Variants in ZNF469 observed in about 807,000 individuals in gnomAD.
ZNF469 encodes the protein zinc finger protein 469.
In ZNF469, 1 loss-of-function variant was observed where a neutral mutation model predicts 1.0. The observed-to-expected ratio is 1.00, with a 90% confidence interval of 0.35 to 4.73. The LOEUF (loss-of-function observed/expected upper bound fraction) is 4.73. Ranked by LOEUF, ZNF469 falls within the 30% of genes most tolerant of loss-of-function variation. The pLI, the probability that ZNF469 is intolerant of heterozygous loss-of-function variation, is 0.16. For synonymous variants in ZNF469, 2,703 were observed against 2,363.4 expected, an observed-to-expected ratio of 1.14 and a Z score of -4.17; for missense variants, 6,100 against 5,356.3, an observed-to-expected ratio of 1.14 and a Z score of -4.33.
the ZNF469 span, among the ~76,000 whole-genome samples, chr16:88,340,137 C>A: frequency 6.6e-6 from 1 of 152,176 alleles, no homozygotes; most frequent in African/African-American, 2.4e-5. Context: ...CCTCCTACCC[C>A]AGCCGACATG....
the ZNF469 span, among the ~76,000 whole-genome samples, chr16:88,349,365 TCACACA>T: frequency 6.8e-6 from 1 of 147,460 alleles, no homozygotes; most frequent in Non-Finnish European, 1.5e-5. Context: ...TACACACATA[TCACACA>T]CACACACCAC....
the ZNF469 span, among the ~76,000 whole-genome samples, chr16:88,331,446 T>C: frequency 0.41 from 61,335 of 149,022 alleles, 12,599 homozygotes; most frequent in South Asian, 0.52. Context: ...ATAACCATCA[T>C]AATCACCACC....
At chr16:88,108,064 TG>T in the ZNF469 span, among the ~76,000 whole-genome samples, 1 of 152,138 alleles carries the variant, frequency 6.6e-6, no homozygotes, top group African/African-American at 2.4e-5. Context: ...TGAGGATTTT[TG>T]TGCCCTTCTC....
At chr16:88,286,088 C>T in the ZNF469 span, among the ~76,000 whole-genome samples, 2 of 152,248 alleles carry the variant, frequency 1.3e-5, no homozygotes, top group African/African-American at 4.8e-5. Flanking sequence ...CATCGTGCCC[C>T]ATTGCTGGGG....
At chr16:88,356,985 C>A in the ZNF469 span, among the ~76,000 whole-genome samples, 4 of 152,372 alleles carry the variant, frequency 2.6e-5, no homozygotes. Context: ...TGTGGTGGCA[C>A]ATGGTGGGTG....
At chr16:88,252,272 C>A in the ZNF469 span, among the ~76,000 whole-genome samples, 1 of 148,924 alleles carries the variant, frequency 6.7e-6, no homozygotes, top group East Asian at 1.9e-4. Flanking sequence ...GGGATTTGGG[C>A]AGAGCTCACC....
At chr16:88,396,261 G>T (rs890651868) in intron 1 of ZNF469, among the ~76,000 whole-genome samples, 1 of 152,282 alleles carries the variant, frequency 6.6e-6, no homozygotes. Context: ...TTCTCAGACA[G>T]GGCCGGCAGG....
At chr16:88,193,132 A>ATGATGGTGG in the ZNF469 span, among the ~76,000 whole-genome samples, 1 of 14,544 alleles carries the variant, frequency 6.9e-5, no homozygotes, top group Admixed American at 7.1e-4. Flanking sequence ...GGTGGTGGTG[A>ATGATGGTGG]TGGTGGTGAT....
the ZNF469 span, among the ~76,000 whole-genome samples, chr16:88,213,816 G>A: frequency 6.6e-6 from 1 of 152,162 alleles, no homozygotes; most frequent in Non-Finnish European, 1.5e-5. Context: ...TCTGTTTTCT[G>A]GGTGGCTTTT....
the ZNF469 span, among the ~76,000 whole-genome samples, chr16:88,368,227 T>C: frequency 1.3e-5 from 2 of 151,994 alleles, no homozygotes; most frequent in African/African-American, 4.8e-5. Context: ...TGGGTTGGAG[T>C]CCGGAGCCAG....
the ZNF469 span, among the ~76,000 whole-genome samples, chr16:88,205,910 C>A: frequency 2.6e-5 from 4 of 152,094 alleles, no homozygotes; most frequent in African/African-American, 9.7e-5. This position sits in a 1 kb window ranked among gnomAD's most constrained non-coding sequence, Gnocchi z 4.2. Context: ...GGGAAATGTT[C>A]CGAGAGGGTG....
At chr16:88,308,659 C>T in the ZNF469 span, among the ~76,000 whole-genome samples, 2 of 152,306 alleles carry the variant, frequency 1.3e-5, no homozygotes, top group Non-Finnish European at 2.9e-5. Flanking sequence ...CACCCACAGA[C>T]TGGGCATGGT....
At position 88,434,099 on chromosome 16, in the gene ZNF469, T is replaced by C. The variant is rs564413710; in HGVS notation, c.6629T>C (p.Leu2210Pro). ...AGCCCCTGCGATCCCAAGGAAGCCC[T>C]GGCTGGTTGCCTTCTCCAGGGGGAG... The part of the protein sequence containing the change: ...TTSPCDPKEA[L>P]AGCLLQGEGS... Residue 2210 changes from leucine (L) to proline (P), a missense_variant, in exon 3 of 3, where the codon CTG (leucine) becomes CCG (proline). Transcript: ENST00000565624. 145 of 1,550,266 alleles carry C rather than the reference T, an allele frequency of 9.4e-5. No homozygotes were observed. The highest frequency in any genetic ancestry group is 1.2e-4 in the Non-Finnish European group (139 of 1,146,950).
At chr16:88,203,313 C>T in the ZNF469 span, among the ~76,000 whole-genome samples, 2 of 152,292 alleles carry the variant, frequency 1.3e-5, no homozygotes, top group South Asian at 2.1e-4. Context: ...GTGGGTTACT[C>T]ATCCGCCCGC....
chr16:88,400,729 A>G (rs1904829690), intron 1 of ZNF469, among the ~76,000 whole-genome samples: 1 of 126,196 alleles, frequency 7.9e-6, no homozygotes, highest in South Asian at 2.2e-4. Context: ...ATGGCACCCA[A>G]GGTCAGCCTG....
chr16:88,438,720 C>G lies in ZNF469; in HGVS notation c.11250C>G (p.Pro3750=). 3 of 1,550,050 alleles carry G rather than the reference C, an allele frequency of 1.9e-6. No homozygotes were observed. The African/African-American group carries it at 4.1e-5, about 21-fold the overall frequency. ...CCAAGACAGGAGGTGGCAGCCAGCCCCAGCCAGCCAGCGGGCAGCTCCAGA... is the reference window on the plus strand; with the variant it reads ...CCAAGACAGGAGGTGGCAGCCAGCCGCAGCCAGCCAGCGGGCAGCTCCAGA... ...PGTKTGGGSQ[P]QPASGQLQSE... Residue 3750 remains proline (P), a synonymous_variant, in exon 3 of 3, where the codon CCC becomes CCG. Coordinates refer to ENST00000565624, the MANE Select transcript of ZNF469 (RefSeq NM_001367624.2).
chr16:88,283,831 C>T, the ZNF469 span, among the ~76,000 whole-genome samples: 1 of 147,004 alleles, frequency 6.8e-6, no homozygotes, highest in Non-Finnish European at 1.5e-5. Flanking sequence ...CTGGTAGACC[C>T]CCAGTGTGCC....
At chr16:88,356,859 C>T in the ZNF469 span, among the ~76,000 whole-genome samples, 9 of 152,080 alleles carry the variant, frequency 5.9e-5, no homozygotes, top group East Asian at 1.7e-3. Context: ...AGGCACCAGG[C>T]CAGGGTCCGC....
At chr16:88,297,167 G>C in the ZNF469 span, among the ~76,000 whole-genome samples, 12 of 152,344 alleles carry the variant, frequency 7.9e-5, no homozygotes, top group African/African-American at 2.6e-4. Context: ...GTCCAGCCCA[G>C]CAACATGCAG....
Sources: gnomAD v4.1 joint callset for allele counts (sites outside exome capture counted in the v4.1 genomes callset) on GRCh38, gnomAD v4.1.1 for gene constraint, Gnocchi (gnomAD v3.1) non-coding constraint, MANE v1.5 for transcripts, NCBI Gene and HGNC (gene_info 2026-07-23, HGNC 2026-07-21) for gene names.